The following AQP11 variants were observed in gnomAD, a reference collection of about 807,000 sequenced individuals.
The protein encoded by AQP11 is aquaporin-11.
Under a neutral mutation model 21.1 loss-of-function variants are expected in AQP11, and 20 were observed. The observed-to-expected ratio is 0.95, with a 90% CI of 0.67 to 1.38. AQP11 has a LOEUF of 1.38. Ranked by LOEUF, AQP11 falls within the 40% of genes most tolerant of loss-of-function variation. The pLI, the probability that AQP11 is intolerant of heterozygous loss-of-function variation, is 0.00. For synonymous variants in AQP11, 167 were observed against 150.1 expected (o/e 1.11, Z -0.82); for missense variants, 339 against 340.4 (o/e 1.00, Z 0.03).
chr11:77,594,355 T>C (rs1317812517), intron 1 of AQP11, among the ~76,000 whole-genome samples: 1 of 152,188 alleles, frequency 6.6e-6, no homozygotes, highest in African/African-American at 2.4e-5. Flanking sequence ...CTAAGTATTG[T>C]GAAACTCCAA....
intron 2 of AQP11, among the ~76,000 whole-genome samples, chr11:77,605,270 T>C (rs1244374357): frequency 6.6e-6 from 1 of 152,220 alleles, no homozygotes; most frequent in African/African-American, 2.4e-5. Flanking sequence ...ACAAGGTCAC[T>C]AGTTGGGCAG....
At chr11:77,608,034 G>A (rs969280403) in intron 2 of AQP11, among the ~76,000 whole-genome samples, 2 of 151,684 alleles carry the variant, frequency 1.3e-5, no homozygotes, top group African/African-American at 4.8e-5. Flanking sequence ...GTATCTAAGT[G>A]GTTGCCAAAC....
rs771522742 is a variant in AQP11 at position 77,590,510 on chromosome 11, GCTCCTT to G, written c.519_524del (p.Ser174_Phe175del). 13 of 1,614,190 alleles carry G rather than the reference GCTCCTT, an allele frequency of 8.1e-6. No homozygotes were observed. The highest frequency in any genetic ancestry group is 1.1e-5 in the Non-Finnish European group (13 of 1,180,040). On this transcript the variant is annotated inframe_deletion, in exon 1 of 3. Transcript: ENST00000313578. Reference sequence around the variant, plus strand: ...AAAGCGGTCATCACAGAGGCCGTCTGCTCCTTTCTCTTCCACAGCGCTCTGCTGCAC... The same window carrying G: ...AAAGCGGTCATCACAGAGGCCGTCTGTCTCTTCCACAGCGCTCTGCTGCAC...
In AQP11 at chr11:77,599,317, C is replaced by T. The variant is rs186681113; in HGVS notation, c.620-4239C>T. ...TAAGATCTAGGGTACATGTGCACAA[C>T]GTGCAGGTTTGTTACATAGGTATAC... On this transcript the variant is annotated intron_variant, in intron 1 of 2. Transcript: ENST00000313578. Among the ~76,000 whole-genome samples, 58 of 152,184 alleles carry T rather than the reference C, an allele frequency of 3.8e-4. No individual in the cohort carries two copies. The East Asian group carries it at 6.4e-3, about 17-fold the overall frequency.
At chr11:77,591,620 A>G (rs1565116076) in intron 1 of AQP11, among the ~76,000 whole-genome samples, 1 of 152,184 alleles carries the variant, frequency 6.6e-6, no homozygotes, top group Admixed American at 6.5e-5. Context: ...CTGTAATCCC[A>G]GCACTTTGGG....
Position 77,610,318 on chromosome 11 carries a change from T to C in AQP11, c.*941T>C, listed in dbSNP as rs943287347. ...CGTTAAAACTTGTTTAGAAATTAAC[T>C]AGTATTTTTTGAGGTTTAAAGAACC... is the stretch of plus-strand genomic sequence containing the variant. On this transcript the variant is annotated 3_prime_UTR_variant, in exon 3 of 3. Coordinates refer to ENST00000313578, the MANE Select transcript of AQP11 (RefSeq NM_173039.3). 1 of 152,240 alleles carries C rather than the reference T, an allele frequency of 6.6e-6. No homozygotes were observed. Among genetic ancestry groups the C allele is most frequent in the African/African-American group, 2.4e-5 (1 of 41,460 alleles). The allele number at this position is 152,240 out of a possible 1,614,324, so 9.4% of individuals were successfully genotyped here.
At chr11:77,609,261 A>C in intron 2 of AQP11, 37 bp from the exon 3 acceptor site, 3 of 1,536,656 alleles carry the variant, frequency 2.0e-6, no homozygotes, top group Non-Finnish European at 2.7e-6. Flanking sequence ...ACCTCCTTAA[A>C]GATTGTTTTT....
At position 77,590,469 on chromosome 11, in the gene AQP11, C is replaced by T. The variant is rs1565115761; in HGVS notation, c.477C>T (p.Ile159=). ...GGAGCTTCGCTTGCAAGAATCCCATCCGAGTCGACTTGCTCAAAGCGGTCA... is the reference window on the plus strand; with the variant it reads ...GGAGCTTCGCTTGCAAGAATCCCATTCGAGTCGACTTGCTCAAAGCGGTCA... ...SERSFACKNP[I]RVDLLKAVIT... Residue 159 remains isoleucine, a synonymous_variant, in exon 1 of 3, where the codon ATC becomes ATT. Transcript: ENST00000313578. 1.2e-6 allele frequency: 2 copies of T among 1,614,028 alleles called. No homozygotes were observed. Among genetic ancestry groups the T allele is most frequent in the Non-Finnish European group, 1.7e-6 (2 of 1,180,030 alleles).
intron 1 of AQP11, chr11:77,591,129 T>C (rs1213915064): frequency 1.0e-6 from 1 of 969,294 alleles, no homozygotes; most frequent in Non-Finnish European, 1.2e-6. Context: ...TAATAATTCA[T>C]TTTGAGTTAT....
intron 1 of AQP11, chr11:77,591,125 T>C (rs1259173721): frequency 8.2e-6 from 8 of 971,004 alleles, no homozygotes; most frequent in Non-Finnish European, 9.8e-6. Flanking sequence ...TCCTTAATAA[T>C]TCATTTTGAG....
chr11:77,590,643 C>G (rs769054226), intron 1 of AQP11, 32 bp downstream of exon 1: 43 of 1,590,028 alleles, frequency 2.7e-5, no homozygotes, highest in Non-Finnish European at 3.6e-5. Context: ...CTTGGCACTT[C>G]CAGAGCCTCT....
At chr11:77,608,672 G>T (rs896522524) in intron 2 of AQP11, among the ~76,000 whole-genome samples, 2 of 152,074 alleles carry the variant, frequency 1.3e-5, no homozygotes, top group African/African-American at 4.8e-5. Context: ...TTCCACCATC[G>T]ACTGAAATTT....
intron 1 of AQP11, chr11:77,591,364 A>T: frequency 1.1e-6 from 1 of 948,356 alleles, no homozygotes; most frequent in Non-Finnish European, 1.3e-6. Flanking sequence ...TCCAAAACAC[A>T]AGTATTTAAT....
At chr11:77,596,327 G>C (rs1958778238) in intron 1 of AQP11, among the ~76,000 whole-genome samples, 1 of 151,206 alleles carries the variant, frequency 6.6e-6, no homozygotes, top group Non-Finnish European at 1.5e-5. Context: ...TGTAATCCCA[G>C]CTGCTTGGGA....
In AQP11 at chr11:77,590,163, C is replaced by A; in HGVS notation, c.171C>A (p.Leu57=). 1 of 1,607,430 alleles carries A rather than the reference C, an allele frequency of 6.2e-7. No individual in the cohort carries two copies. The highest frequency in any genetic ancestry group is 8.5e-7 in the Non-Finnish European group (1 of 1,178,518). The part of the protein sequence containing the change: ...FVLEFLATFQ[L]CCCTHELQLL... The stretch of plus-strand genomic sequence containing the variant: ...TGGAGTTTCTAGCCACCTTCCAGCT[C>A]TGCTGCTGCACCCACGAGCTGCAAC... The change falls in exon 1 of 3, where the codon CTC becomes CTA. Residue 57 remains leucine, a synonymous_variant. Coordinates refer to ENST00000313578, the MANE Select transcript of AQP11 (RefSeq NM_173039.3).
chr11:77,591,344 G>A, intron 1 of AQP11: 1 of 980,196 alleles, frequency 1.0e-6, no homozygotes, highest in Non-Finnish European at 1.2e-6. Context: ...TCCTAAGTGG[G>A]AGGAGGAAAT....
chr11:77,607,755 C>A (rs1209364121), intron 2 of AQP11, among the ~76,000 whole-genome samples: 6 of 148,312 alleles, frequency 4.0e-5, no homozygotes, highest in Admixed American at 4.0e-4. Flanking sequence ...GGGAGTGTGA[C>A]CCTGTCTCAA....
chr11:77,607,611 T>C (rs753715380), intron 2 of AQP11, among the ~76,000 whole-genome samples: 19 of 151,964 alleles, frequency 1.3e-4, no homozygotes, highest in Non-Finnish European at 1.8e-4. Context: ...TAAGGATGTA[T>C]ATGTGGCCTG....
chr11:77,593,357 C>G (rs563222602), intron 1 of AQP11, among the ~76,000 whole-genome samples: 2 of 152,126 alleles, frequency 1.3e-5, no homozygotes, highest in South Asian at 2.1e-4. Flanking sequence ...ACCCATCGGC[C>G]GGGCGCGGTG....
Sources: gnomAD v4.1 joint callset for allele counts (sites outside exome capture counted in the v4.1 genomes callset) on GRCh38, gnomAD v4.1.1 for gene constraint, MANE v1.5 for transcripts, NCBI Gene and HGNC (gene_info 2026-07-23, HGNC 2026-07-21) for gene names.